The following GPC5 variants were observed in gnomAD, a reference collection of about 807,000 sequenced individuals.
GPC5 encodes the protein glypican-5.
A neutral mutation model predicts 53.9 loss-of-function variants in GPC5; 47 were observed. The observed-to-expected ratio is 0.87, with a 90% CI of 0.69 to 1.11. The LOEUF (loss-of-function observed/expected upper bound fraction) is 1.11. Among genes scored for constraint, GPC5 ranks in the 50% most tolerant of loss-of-function variants. The pLI is 0.00. For synonymous variants in GPC5, 286 were observed against 263.3 expected, an observed-to-expected ratio of 1.09 and a Z score of -0.84; for missense variants, 748 against 713.1, an observed-to-expected ratio of 1.05 and a Z score of -0.56.
At chr13:92,209,069 C>T (rs934435290) in intron 7 of GPC5, among the ~76,000 whole-genome samples, 1 of 152,116 alleles carries the variant, frequency 6.6e-6, no homozygotes, top group Admixed American at 6.6e-5. Context: ...ATTAACATAG[C>T]AGAGAAACTA....
At chr13:91,813,799 A>AT (rs1566278892) in intron 5 of GPC5, among the ~76,000 whole-genome samples, 1 of 152,182 alleles carries the variant, frequency 6.6e-6, no homozygotes, top group Admixed American at 6.5e-5. Flanking sequence ...TAAGCATAGC[A>AT]TTTTTTAAAG....
chr13:92,197,317 G>C (rs1335723342), intron 7 of GPC5, among the ~76,000 whole-genome samples: 1 of 152,082 alleles, frequency 6.6e-6, no homozygotes, highest in East Asian at 1.9e-4. Context: ...ACATAAATAA[G>C]TGTATCTACA....
intron 7 of GPC5, among the ~76,000 whole-genome samples, chr13:92,398,320 T>C (rs1035420188): frequency 2.0e-5 from 3 of 146,444 alleles, no homozygotes; most frequent in African/African-American, 7.6e-5. Flanking sequence ...TCCCAGCTAC[T>C]TGGGAGGCTG....
At chr13:91,625,193 A>G (rs1383201627) in intron 2 of GPC5, among the ~76,000 whole-genome samples, 1 of 150,664 alleles carries the variant, frequency 6.6e-6, no homozygotes, top group African/African-American at 2.5e-5. Flanking sequence ...GATTGATGAC[A>G]TAAGGAAACA....
chr13:92,775,902 A>G (rs900918344), intron 7 of GPC5, among the ~76,000 whole-genome samples: 1 of 152,196 alleles, frequency 6.6e-6, no homozygotes, highest in African/African-American at 2.4e-5. Flanking sequence ...TTCACCACAA[A>G]ATAACTTTTA....
At chr13:92,609,214 CA>C (rs1262208216) in intron 7 of GPC5, among the ~76,000 whole-genome samples, 1 of 151,422 alleles carries the variant, frequency 6.6e-6, no homozygotes, top group African/African-American at 2.4e-5. Flanking sequence ...ACCCTAGGAA[CA>C]ATAAAAATGC....
chr13:92,667,542 T>C (rs1886616435), intron 7 of GPC5, among the ~76,000 whole-genome samples: 1 of 152,010 alleles, frequency 6.6e-6, no homozygotes, highest in African/African-American at 2.4e-5. Context: ...GAAATTGAGG[T>C]TTTCTGTGTA....
intron 7 of GPC5, among the ~76,000 whole-genome samples, chr13:92,261,782 G>T (rs1355292920): frequency 6.6e-6 from 1 of 151,972 alleles, no homozygotes. Context: ...AAGGTTTGGA[G>T]AACAAAAGGA....
chr13:92,445,484 G>A (rs1270246636), intron 7 of GPC5, among the ~76,000 whole-genome samples: 1 of 94,440 alleles, frequency 1.1e-5, no homozygotes, highest in Non-Finnish European at 1.9e-5. Context: ...CCCCACAACA[G>A]TCCCCAGAGT....
intron 5 of GPC5, among the ~76,000 whole-genome samples, chr13:91,884,574 C>T (rs145731644): frequency 6.6e-6 from 1 of 152,130 alleles, no homozygotes; most frequent in African/African-American, 2.4e-5. Flanking sequence ...ACGGGAACAA[C>T]ATTGAAAGAT....
chr13:91,398,768 A>G lies in GPC5; in HGVS notation c.-279A>G. On this transcript the variant is annotated 5_prime_UTR_variant, in exon 1 of 8. The change abolishes the stop of an existing upstream ORF in the 5' untranslated region. Transcript: ENST00000377067. ...CTTGCGGGCTCCCTGCGGCTCCACT[A>G]GTTTTCTTCGCCCCGCCCAGCCGCC... The G allele has an allele frequency of 2.6e-6, 1 of 387,138 alleles. No individual in the cohort carries two copies. The highest frequency in any genetic ancestry group is 6.1e-5 in the South Asian group (1 of 16,458). The allele number at this position is 387,138 out of a possible 1,614,324, so 24.0% of individuals were successfully genotyped here.
chr13:92,227,451 G>T (rs2042496081), intron 7 of GPC5, among the ~76,000 whole-genome samples: 1 of 152,160 alleles, frequency 6.6e-6, no homozygotes, highest in Admixed American at 6.5e-5. Flanking sequence ...CTTCAGTAAA[G>T]CTGTCAGTCT....
intron 5 of GPC5, among the ~76,000 whole-genome samples, chr13:91,799,971 T>C (rs2038107828): frequency 6.6e-6 from 1 of 152,136 alleles, no homozygotes; most frequent in Non-Finnish European, 1.5e-5. Flanking sequence ...CTCATATTTT[T>C]CATTAGTATT....
At chr13:91,533,620 A>T (rs528975870) in intron 2 of GPC5, among the ~76,000 whole-genome samples, 74 of 152,178 alleles carry the variant, frequency 4.9e-4, no homozygotes, top group Non-Finnish European at 9.0e-4. Flanking sequence ...ACACAACAGA[A>T]CTTACAGAGG....
intron 7 of GPC5, among the ~76,000 whole-genome samples, chr13:92,853,711 T>C (rs1048495205): frequency 7.9e-5 from 12 of 152,128 alleles, no homozygotes; most frequent in African/African-American, 2.7e-4. Flanking sequence ...CTGGAGAACA[T>C]GTTCAGGGTT....
intron 2 of GPC5, among the ~76,000 whole-genome samples, chr13:91,602,708 C>T (rs766086993): frequency 6.6e-6 from 1 of 152,124 alleles, no homozygotes; most frequent in African/African-American, 2.4e-5. Flanking sequence ...TTCCTTCTGA[C>T]AGTTTTGTTT....
At chr13:92,344,081 G>GA (rs149329702) in intron 7 of GPC5, among the ~76,000 whole-genome samples, 43,259 of 151,818 alleles carry the variant, frequency 0.28, 6,333 homozygotes, top group South Asian at 0.4. Flanking sequence ...TTCCTTCTAA[G>GA]GTTTCTAGAA....
intron 3 of GPC5, among the ~76,000 whole-genome samples, chr13:91,711,714 G>C (rs1010061349): frequency 1.3e-5 from 2 of 152,136 alleles, no homozygotes; most frequent in African/African-American, 4.8e-5. Flanking sequence ...ACAAGTTATG[G>C]ATTTTCTGCT....
rs577958989 is a variant in GPC5 at position 91,597,991 on chromosome 13, T to G, written c.326-95196T>G. Among the ~76,000 whole-genome samples, 3 of 152,250 alleles carry G rather than the reference T, an allele frequency of 2.0e-5. No individual in the cohort carries two copies. In the East Asian group the frequency reaches 5.8e-4, roughly 29 times the overall value. ...ATCCACTGTTTCACCCAGAACACTT[T>G]GTAAAAAACATCAGAAAATAGAGAC... is the stretch of plus-strand genomic sequence containing the variant. On this transcript the variant is annotated intron_variant, in intron 2 of 7. Transcript: ENST00000377067.
Sources: allele counts gnomAD v4.1 joint callset (sites outside exome capture counted in the v4.1 genomes callset), GRCh38; gene constraint gnomAD v4.1.1; transcripts MANE v1.5; gene names NCBI Gene and HGNC (gene_info 2026-07-23, HGNC 2026-07-21).